The following CDKN3 variants were observed in gnomAD, a reference collection of about 807,000 sequenced individuals.
CDKN3 encodes cyclin-dependent kinase inhibitor 3.
CDKN3 carries 19 observed loss-of-function variants against 36.1 expected under a neutral mutation model. The observed-to-expected ratio is 0.53, with a 90% CI of 0.37 to 0.77. The LOEUF (loss-of-function observed/expected upper bound fraction) is 0.77, where lower values mean the gene tolerates loss of function less well. CDKN3 is among the 30% of genes least tolerant of loss of function. CDKN3 has a pLI of 0.00. For synonymous variants in CDKN3, 71 were observed against 85.3 expected, an observed-to-expected ratio of 0.83 and a Z score of 0.92; for missense variants, 188 against 248.6, an observed-to-expected ratio of 0.76 and a Z score of 1.64.
Position 54,416,578 on chromosome 14 carries a change from G to C in CDKN3, c.448+648G>C, listed in dbSNP as rs577192279. 2.6e-5 allele frequency among the ~76,000 whole-genome samples: 4 copies of C among 152,216 alleles called. No individual in the cohort carries two copies. The South Asian group carries it at 8.3e-4, about 32-fold the overall frequency. Reference sequence around the variant, plus strand: ...GCCTGTAATCTCAGCACTTTGGGAGGCCAAGGCAGAAAGATCACCTGAGTT... The same window carrying C: ...GCCTGTAATCTCAGCACTTTGGGAGCCCAAGGCAGAAAGATCACCTGAGTT... On this transcript the variant is annotated intron_variant, in intron 6 of 7. Coordinates refer to ENST00000335183, the MANE Select transcript of CDKN3 (RefSeq NM_005192.4).
chr14:54,400,077 T>C, intron 2 of CDKN3, 101 bp downstream of exon 2: 1 of 689,648 alleles, frequency 1.5e-6, no homozygotes, highest in Non-Finnish European at 2.6e-6. Flanking sequence ...AGTTCACATA[T>C]TGAAAATGTT....
rs191798864 is a variant in CDKN3 at position 54,407,823 on chromosome 14, C to T, written c.149-922C>T. On this transcript the variant is annotated intron_variant, in intron 3 of 7. Coordinates refer to ENST00000335183, the MANE Select transcript of CDKN3 (RefSeq NM_005192.4). The stretch of plus-strand genomic sequence containing the variant: ...ATCCACAGAGCAAGACCACTCAGCT[C>T]CCTGGCTTCAGCCCTCTTTCCAGGG... Among the ~76,000 whole-genome samples, 317 of 152,310 alleles carry T rather than the reference C, an allele frequency of 2.1e-3. 1 individual carries two copies. The highest frequency in any genetic ancestry group is 7.4e-3 in the African/African-American group (307 of 41,554).
chr14:54,404,286 G>A (rs2030067852), intron 3 of CDKN3, among the ~76,000 whole-genome samples: 2 of 152,086 alleles, frequency 1.3e-5, no homozygotes, highest in African/African-American at 4.8e-5. Context: ...TTGGGAGGGT[G>A]TATGTGTCCA....
chr14:54,415,830 A>T, intron 5 of CDKN3, 69 bp from the exon 6 acceptor site: 1 of 1,094,320 alleles, frequency 9.1e-7, no homozygotes, highest in Non-Finnish European at 1.4e-6. Context: ...AGGCAGAAAG[A>T]GCAAGTCTTT....
chr14:54,404,326 G>A (rs906402241), intron 3 of CDKN3, among the ~76,000 whole-genome samples: 1 of 152,122 alleles, frequency 6.6e-6, no homozygotes, highest in African/African-American at 2.4e-5. Context: ...TAGATTTCTA[G>A]TTTATTTTTG....
At chr14:54,411,882 C>T (rs1380447918) in intron 5 of CDKN3, 176 bp downstream of exon 5, 3 of 651,856 alleles carry the variant, frequency 4.6e-6, no homozygotes, top group South Asian at 1.7e-5. Context: ...TAGTCAAATA[C>T]GTGCTGTTAT....
chr14:54,411,101 C>G (rs2143958), intron 4 of CDKN3: 64,921 of 163,896 alleles, frequency 0.4, 14,617 homozygotes, highest in Non-Finnish European at 0.5. Context: ...TCACTTGAAC[C>G]TGGGAGGCAG....
At chr14:54,414,741 G>A (rs1032434727) in intron 5 of CDKN3, among the ~76,000 whole-genome samples, 8 of 146,634 alleles carry the variant, frequency 5.5e-5, no homozygotes, top group African/African-American at 2.1e-4. Flanking sequence ...GAGAGACAGG[G>A]TCTCACTTTA....
At chr14:54,417,203 G>A (rs1305248576) in intron 6 of CDKN3, among the ~76,000 whole-genome samples, 2 of 152,096 alleles carry the variant, frequency 1.3e-5, no homozygotes, top group Non-Finnish European at 2.9e-5. Flanking sequence ...GTATACAAAT[G>A]TTTATAGCAG....
chr14:54,397,513 C>G (rs551224520), intron 1 of CDKN3, among the ~76,000 whole-genome samples: 5 of 152,284 alleles, frequency 3.3e-5, no homozygotes, highest in Admixed American at 6.5e-5. Context: ...AATGCCACGC[C>G]GCGGCTTGTG....
intron 5 of CDKN3, among the ~76,000 whole-genome samples, chr14:54,413,265 C>T (rs779409426): frequency 1.3e-5 from 2 of 151,676 alleles, no homozygotes; most frequent in Non-Finnish European, 2.9e-5. Flanking sequence ...GTTTCTGATA[C>T]ATATAGGTAA....
At chr14:54,398,946 A>C (rs953139950) in intron 1 of CDKN3, among the ~76,000 whole-genome samples, 4 of 149,676 alleles carry the variant, frequency 2.7e-5, no homozygotes, top group Non-Finnish European at 5.9e-5. Flanking sequence ...CTCAATACAC[A>C]AGCCCTTGGC....
At chr14:54,413,892 T>G (rs1188369731) in intron 5 of CDKN3, 18 of 1,245,432 alleles carry the variant, frequency 1.4e-5, no homozygotes, top group Admixed American at 3.5e-5. Flanking sequence ...AACAGAAATT[T>G]CTTCTTTCCC....
Position 54,420,095 on chromosome 14 carries a change from T to C in CDKN3, c.*17T>C, listed in dbSNP as rs2030677916. The C allele has an allele frequency of 7.3e-7, 1 of 1,375,810 alleles. No individual in the cohort carries two copies. The highest frequency in any genetic ancestry group is 1.0e-6 in the Non-Finnish European group (1 of 965,336). 85.2% of individuals were successfully genotyped at this position (1,375,810 alleles called of 1,614,324 possible). On this transcript the variant is annotated 3_prime_UTR_variant, in exon 8 of 8. Transcript: ENST00000335183. ...TCAAGATAAAGGAATTCAAATAGCA[T>C]ATATATGACCATGTCTGAAATGTCA...
At chr14:54,413,943 A>G in intron 5 of CDKN3, 1 of 580,874 alleles carries the variant, frequency 1.7e-6, no homozygotes, top group Non-Finnish European at 2.5e-6. Flanking sequence ...ATGAGAGCAG[A>G]GCCATGCCCT....
intron 4 of CDKN3, among the ~76,000 whole-genome samples, chr14:54,410,215 T>C (rs1011930863): frequency 2.0e-5 from 3 of 152,216 alleles, no homozygotes; most frequent in African/African-American, 7.2e-5. Context: ...ATATGTTTGA[T>C]TGGAGACCTA....
In CDKN3 at chr14:54,420,130, C is replaced by A; in HGVS notation, c.*52C>A. 1 of 1,046,634 alleles carries A rather than the reference C, an allele frequency of 9.6e-7. No homozygotes were observed. The highest frequency in any genetic ancestry group is 1.5e-6 in the Non-Finnish European group (1 of 683,160). The allele number at this position is 1,046,634 out of a possible 1,614,324, so 64.8% of individuals were successfully genotyped here. A position where few individuals can be genotyped will look rare whatever the true frequency, so the allele number is the denominator to read the frequency against. On this transcript the variant is annotated 3_prime_UTR_variant, in exon 8 of 8. Coordinates refer to ENST00000335183, the MANE Select transcript of CDKN3 (RefSeq NM_005192.4). The stretch of plus-strand genomic sequence containing the variant: ...CATGTCTGAAATGTCAGTTCTCTAG[C>A]ATAATTTGTATTGAAATGAAACCAC...
chr14:54,399,111 G>T (rs1350326984), intron 1 of CDKN3, among the ~76,000 whole-genome samples: 1 of 146,496 alleles, frequency 6.8e-6, no homozygotes, highest in South Asian at 2.2e-4. Context: ...TCAGCCTCCC[G>T]AGTAGCTGGG....
At chr14:54,407,964 A>G (rs1450718510) in intron 3 of CDKN3, among the ~76,000 whole-genome samples, 3 of 152,176 alleles carry the variant, frequency 2.0e-5, no homozygotes, top group African/African-American at 7.2e-5. Context: ...AGCTGTTCCT[A>G]TTCAGCCATC....
Sources: allele counts gnomAD v4.1 joint callset (sites outside exome capture counted in the v4.1 genomes callset), GRCh38; gene constraint gnomAD v4.1.1; transcripts MANE v1.5; gene names NCBI Gene and HGNC (gene_info 2026-07-23, HGNC 2026-07-21).